Variants in UCK1 observed in about 807,000 individuals in gnomAD.
UCK1 encodes the protein cytidine monophosphokinase 1.
In UCK1, 20 loss-of-function variants were observed where a neutral mutation model predicts 34.0. That is an observed-to-expected ratio of 0.59 (90% CI 0.41 to 0.86). The LOEUF is 0.86. Ranked by LOEUF, UCK1 falls within the 40% of genes least tolerant of loss-of-function variation. The pLI, the probability that UCK1 is intolerant of heterozygous loss-of-function variation, is 0.00. For synonymous variants in UCK1, 168 were observed against 155.9 expected, an observed-to-expected ratio of 1.08 and a Z score of -0.58; for missense variants, 343 against 383.6, an observed-to-expected ratio of 0.89 and a Z score of 0.88.
chr9:131,527,817 C>CA (rs1183616184), intron 5 of UCK1, among the ~76,000 whole-genome samples: 1 of 151,672 alleles, frequency 6.6e-6, no homozygotes, highest in Non-Finnish European at 1.5e-5. Flanking sequence ...GTCAAGACTG[C>CA]AGTGAGCTGT....
chr9:131,530,038 G>A (rs1014746556), intron 2 of UCK1, among the ~76,000 whole-genome samples: 7 of 152,210 alleles, frequency 4.6e-5, no homozygotes, highest in South Asian at 2.1e-4. Flanking sequence ...GCATCTGCCC[G>A]TTTACCTGGC....
In UCK1 at chr9:131,525,079, G is replaced by A. The variant is rs763638424; in HGVS notation, c.795C>T (p.Gly265=). The A allele has an allele frequency of 1.2e-6, 2 of 1,613,358 alleles. No individual in the cohort carries two copies. The highest frequency in any genetic ancestry group is 1.7e-6 in the Non-Finnish European group (2 of 1,179,914). The change falls in exon 7 of 7, where the codon GGC becomes GGT. Residue 265 remains glycine, a synonymous_variant. Transcript: ENST00000372215. ...TGCTGGACTCCAAATGTGACCGTTT[G>A]CCAGAGGTCAGCATCCCAGGGTGGT... is the stretch of plus-strand genomic sequence containing the variant. The part of the protein sequence containing the change: ...PGDHPGMLTS[G]KRSHLESSSR...
intron 2 of UCK1, 136 bp from the exon 3 acceptor site, chr9:131,529,720 C>T (rs1457659798): frequency 2.1e-5 from 15 of 710,228 alleles, no homozygotes; most frequent in Non-Finnish European, 2.7e-5. Context: ...ACTAGGACTA[C>T]GGCAGTGTAT....
intron 2 of UCK1, among the ~76,000 whole-genome samples, chr9:131,529,948 C>G (rs986354042): frequency 6.6e-6 from 1 of 152,306 alleles, no homozygotes; most frequent in Non-Finnish European, 1.5e-5. Flanking sequence ...AGGCCTTCTT[C>G]CCACAAGTCC....
In UCK1 at chr9:131,531,111, G is replaced by A; in HGVS notation, c.64C>T (p.Arg22Trp). ...PAPEADRPHQ[R>W]PFLIGVSGGT... ...CCGCTCACCCCTATCAGGAAGGGCC[G>A]CTGGTGCGGACGGTCGGCCTCCGGC... The change falls in exon 1 of 7, where the codon CGG becomes TGG. Residue 22 changes from arginine to tryptophan, a missense_variant. Transcript: ENST00000372215. 1 of 1,450,514 alleles carries A rather than the reference G, an allele frequency of 6.9e-7. No homozygotes were observed. Among genetic ancestry groups the A allele is most frequent in the African/African-American group, 1.5e-5 (1 of 67,410 alleles). The allele number at this position is 1,450,514 out of a possible 1,614,324, so 89.9% of individuals were successfully genotyped here.
At chr9:131,528,705 A>C in intron 5 of UCK1, 1 of 561,428 alleles carries the variant, frequency 1.8e-6, no homozygotes, top group Non-Finnish European at 3.2e-6. Flanking sequence ...GCAGGGAGGA[A>C]GCGGCCAGTG....
chr9:131,525,994 G>C lies in UCK1; in HGVS notation c.604-17C>G. 1 of 1,613,844 alleles carries C rather than the reference G, an allele frequency of 6.2e-7. No individual in the cohort carries two copies. ...CTTCTTTGTCTGTAAGGCACAAGGGGGGGTGTTCCTGTGAGGACTTTTCCT... is the reference window on the plus strand; with the variant it reads ...CTTCTTTGTCTGTAAGGCACAAGGGCGGGTGTTCCTGTGAGGACTTTTCCT... On this transcript the variant is annotated splice_polypyrimidine_tract_variant and intron_variant, in intron 5 of 6. Coordinates refer to ENST00000372215, the MANE Select transcript of UCK1 (RefSeq NM_031432.5).
chr9:131,525,597 GCCT>G (rs1308720841), intron 6 of UCK1, among the ~76,000 whole-genome samples: 4 of 152,126 alleles, frequency 2.6e-5, no homozygotes, highest in African/African-American at 9.7e-5. Context: ...TCCCACCTCA[GCCT>G]CCTGAGTAGC....
At chr9:131,530,809 C>T (rs1397110727) in intron 1 of UCK1, 164 bp from the exon 2 acceptor site, 6 of 1,306,084 alleles carry the variant, frequency 4.6e-6, no homozygotes, top group Non-Finnish European at 6.4e-6. Context: ...CCGCGGGGGC[C>T]CAACGGGGTT....
At chr9:131,526,562 T>C (rs1252629223) in intron 5 of UCK1, 1 of 1,268,792 alleles carries the variant, frequency 7.9e-7, no homozygotes, top group Non-Finnish European at 1.0e-6. Flanking sequence ...CTGGGGAGGG[T>C]CCGCAGCCAG....
At chr9:131,527,182 C>T (rs1385943086) in intron 5 of UCK1, among the ~76,000 whole-genome samples, 2 of 151,212 alleles carry the variant, frequency 1.3e-5, no homozygotes, top group African/African-American at 4.9e-5. Context: ...GAAAAATTAG[C>T]CAGGCGTGGT....
At chr9:131,526,066 G>T in intron 5 of UCK1, 89 bp from the exon 6 acceptor site, 1 of 1,496,248 alleles carries the variant, frequency 6.7e-7, no homozygotes, top group Non-Finnish European at 9.3e-7. Context: ...ACAGCAGGAG[G>T]GGCGGCCCTG....
Position 131,524,804 on chromosome 9 carries a change from T to C in UCK1, c.*236A>G, listed in dbSNP as rs975846146. On this transcript the variant is annotated 3_prime_UTR_variant, in exon 7 of 7. Coordinates refer to ENST00000372215, the MANE Select transcript of UCK1 (RefSeq NM_031432.5). ...GGCATTTCTCAGTGACCTAGAGGGA[T>C]CTTTAAACCGCAACGAGCCTAAGTG... 2.7e-5 allele frequency: 14 copies of C among 512,660 alleles called. No homozygotes were observed. The highest frequency in any genetic ancestry group is 4.1e-5 in the Non-Finnish European group (12 of 290,640). The allele number at this position is 512,660 out of a possible 1,614,324, so 31.8% of individuals were successfully genotyped here.
chr9:131,524,636 A>C lies in UCK1; in HGVS notation c.*404T>G. The C allele has an allele frequency of 5.5e-6, 1 of 181,620 alleles. No individual in the cohort carries two copies. 11.3% of individuals were successfully genotyped at this position (181,620 alleles called of 1,614,324 possible). ...TGTGTGAGTGTGTAAGAACCAGATC[A>C]GACTGGAAAAAACTCTCTCCCACTG... is the stretch of plus-strand genomic sequence containing the variant. On this transcript the variant is annotated 3_prime_UTR_variant, in exon 7 of 7. Transcript: ENST00000372215.
intron 2 of UCK1, 78 bp downstream of exon 2, chr9:131,530,408 C>G: frequency 6.4e-7 from 1 of 1,571,908 alleles, no homozygotes; most frequent in Non-Finnish European, 8.7e-7. Flanking sequence ...TCCATCCAAC[C>G]TTGGGCCCAA....
chr9:131,528,730 A>G (rs1950706752), intron 5 of UCK1: 2 of 610,238 alleles, frequency 3.3e-6, no homozygotes, highest in Non-Finnish European at 5.7e-6. Context: ...TGTGGGGGAG[A>G]TATGGGGCTT....
In UCK1 at chr9:131,530,409, T is replaced by C. The variant is rs1440252150; in HGVS notation, c.268+77A>G. 13 of 1,573,060 alleles carry C rather than the reference T, an allele frequency of 8.3e-6. No individual in the cohort carries two copies. The East Asian group carries it at 1.6e-4, about 19-fold the overall frequency. Reference sequence around the variant, plus strand: ...CAAGCGGGTCTGCATCCATCCAACCTTGGGCCCAAGCGCAGCTGGTTAGCG... The same window carrying C: ...CAAGCGGGTCTGCATCCATCCAACCCTGGGCCCAAGCGCAGCTGGTTAGCG... On this transcript the variant is annotated intron_variant, in intron 2 of 6. Transcript: ENST00000372215.
chr9:131,524,770 A>G lies in UCK1; in HGVS notation c.*270T>C, dbSNP rs1255903233. 1 of 391,190 alleles carries G rather than the reference A, an allele frequency of 2.6e-6. No homozygotes were observed. Among genetic ancestry groups the G allele is most frequent in the Non-Finnish European group, 4.6e-6 (1 of 217,846 alleles). 24.2% of individuals were successfully genotyped at this position (391,190 alleles called of 1,614,324 possible). ...CACAGAAGCCTCCCAGGCTTCCTGC[A>G]CATTCTGTGGCATTTCTCAGTGACC... On this transcript the variant is annotated 3_prime_UTR_variant, in exon 7 of 7. Transcript: ENST00000372215.
chr9:131,526,630 G>A (rs1950615049), intron 5 of UCK1: 2 of 732,000 alleles, frequency 2.7e-6, no homozygotes, highest in African/African-American at 1.8e-5. Context: ...GAACATGGCT[G>A]AATCAGACAA....
Sources: allele counts gnomAD v4.1 joint callset (sites outside exome capture counted in the v4.1 genomes callset), GRCh38; gene constraint gnomAD v4.1.1; transcripts MANE v1.5; gene names NCBI Gene and HGNC (gene_info 2026-07-23, HGNC 2026-07-21).